Variants in ANKS1B observed in about 807,000 individuals in gnomAD.
ANKS1B encodes the protein ankyrin repeat and sterile alpha motif domain-containing protein 1B.
A neutral mutation model predicts 148.3 loss-of-function variants in ANKS1B; 36 were observed. The observed-to-expected ratio is 0.24, with a 90% CI of 0.19 to 0.32. The LOEUF (loss-of-function observed/expected upper bound fraction) is 0.32, where lower values mean the gene tolerates loss of function less well. Among genes scored for constraint, ANKS1B ranks in the 10% least tolerant of loss-of-function variants. The pLI is 1.00. For synonymous variants in ANKS1B, 542 were observed against 560.8 expected (o/e 0.97, Z 0.47); for missense variants, 1,157 against 1,542.6 (o/e 0.75, Z 4.19).
chr12:99,246,588 C>CT lies in ANKS1B; in HGVS notation c.2032dup (p.Ser678LysfsTer47). On this transcript the variant is annotated frameshift_variant, in exon 13 of 27. Transcript: ENST00000683438. LOFTEE classifies it high-confidence loss of function. ...AATGGTATGGTTTTCGAGTTGGTTGCTTTTTTTGTGAAAAATTGTTCTACT... is the reference window on the plus strand; with the variant it reads ...AATGGTATGGTTTTCGAGTTGGTTGCTTTTTTTTGTGAAAAATTGTTCTACT... 6.2e-7 allele frequency: 1 copy of CT among 1,613,466 alleles called. No individual in the cohort carries two copies. Among genetic ancestry groups the CT allele is most frequent in the Non-Finnish European group, 8.5e-7 (1 of 1,179,668 alleles).
intron 17 of ANKS1B, among the ~76,000 whole-genome samples, chr12:99,029,466 T>A (rs964860682): frequency 6.6e-6 from 1 of 152,214 alleles, no homozygotes; most frequent in Non-Finnish European, 1.5e-5. Flanking sequence ...GTTACCTGTA[T>A]GAAGGGTGAA....
chr12:99,922,699 T>C (rs1465047593), intron 1 of ANKS1B, among the ~76,000 whole-genome samples: 1 of 152,150 alleles, frequency 6.6e-6, no homozygotes, highest in East Asian at 1.9e-4. Flanking sequence ...AGTTCATGTG[T>C]TGGGAACTTA....
At chr12:99,487,575 C>CAAGCATG (rs1394078582) in intron 10 of ANKS1B, among the ~76,000 whole-genome samples, 1 of 150,406 alleles carries the variant, frequency 6.6e-6, no homozygotes, top group African/African-American at 2.4e-5. Flanking sequence ...TTCAGTGCTA[C>CAAGCATG]AAGCATGTAT....
chr12:99,161,126 G>A (rs2076612632), intron 14 of ANKS1B, among the ~76,000 whole-genome samples: 2 of 152,182 alleles, frequency 1.3e-5, no homozygotes, highest in Non-Finnish European at 2.9e-5. Flanking sequence ...TGGGAAGTAT[G>A]GCCATTTTAA....
chr12:99,354,624 A>T (rs1024876298), intron 12 of ANKS1B, among the ~76,000 whole-genome samples: 1 of 152,098 alleles, frequency 6.6e-6, no homozygotes, highest in Non-Finnish European at 1.5e-5. Flanking sequence ...ATTAAGAAAG[A>T]GAATGAATAC....
chr12:99,726,417 T>A (rs962718448), intron 8 of ANKS1B, among the ~76,000 whole-genome samples: 1 of 152,026 alleles, frequency 6.6e-6, no homozygotes, highest in Non-Finnish European at 1.5e-5. Context: ...ACATACATCA[T>A]CCCAAAACTA....
intron 9 of ANKS1B, among the ~76,000 whole-genome samples, chr12:98,737,310 A>G (rs1446460272): frequency 6.6e-6 from 1 of 152,150 alleles, no homozygotes; most frequent in Admixed American, 6.5e-5. Context: ...CTTTGTGTAC[A>G]CTGTTTTCTC....
chr12:99,116,388 A>G (rs781269575), intron 15 of ANKS1B, among the ~76,000 whole-genome samples: 10 of 152,212 alleles, frequency 6.6e-5, no homozygotes, highest in South Asian at 4.1e-4. Flanking sequence ...CTCATTCACC[A>G]TCTGAAAACA....
At chr12:99,959,195 G>A (rs1361661719) in intron 1 of ANKS1B, among the ~76,000 whole-genome samples, 2 of 148,976 alleles carry the variant, frequency 1.3e-5, no homozygotes, top group African/African-American at 4.9e-5. Context: ...TGAGTAGCTT[G>A]GACTACAGGT....
intron 15 of ANKS1B, among the ~76,000 whole-genome samples, chr12:99,101,959 G>GAGGTTCAGGCT (rs2058050356): frequency 6.6e-6 from 1 of 152,182 alleles, no homozygotes; most frequent in South Asian, 2.1e-4. Flanking sequence ...AGTTTGGGGA[G>GAGGTTCAGGCT]AGGTTCAGGC....
At chr12:98,930,331 G>T (rs140728840) in intron 17 of ANKS1B, among the ~76,000 whole-genome samples, 3 of 152,228 alleles carry the variant, frequency 2.0e-5, no homozygotes, top group Non-Finnish European at 2.9e-5. Context: ...TATGTTACTG[G>T]TGGGATTATA....
At chr12:98,943,082 T>C (rs1365426309) in intron 17 of ANKS1B, among the ~76,000 whole-genome samples, 1 of 152,240 alleles carries the variant, frequency 6.6e-6, no homozygotes, top group Non-Finnish European at 1.5e-5. Flanking sequence ...GTTTCCTTTA[T>C]CTTCTTACGA....
At chr12:99,959,136 C>T (rs2095368824) in intron 1 of ANKS1B, among the ~76,000 whole-genome samples, 1 of 149,382 alleles carries the variant, frequency 6.7e-6, no homozygotes, top group South Asian at 2.1e-4. Flanking sequence ...TCTTGGCTCA[C>T]TGCAATCTCT....
At chr12:99,789,668 T>C (rs1223614671) in intron 4 of ANKS1B, among the ~76,000 whole-genome samples, 1 of 151,470 alleles carries the variant, frequency 6.6e-6, no homozygotes, top group Non-Finnish European at 1.5e-5. Context: ...ATTGATGTAA[T>C]GAAGAATGCA....
intron 8 of ANKS1B, among the ~76,000 whole-genome samples, chr12:99,666,695 GTTAAT>G (rs909556692): frequency 6.6e-6 from 1 of 152,094 alleles, no homozygotes; most frequent in African/African-American, 2.4e-5. Context: ...GTATTATTAG[GTTAAT>G]TTAATTTTCT....
intron 9 of ANKS1B, among the ~76,000 whole-genome samples, chr12:99,651,732 C>T (rs190805354): frequency 8.5e-5 from 13 of 152,158 alleles, no homozygotes; most frequent in African/African-American, 2.9e-4. Context: ...CAATACATAT[C>T]CTGTTACCTC....
chr12:99,923,329 T>C (rs2094408699), intron 1 of ANKS1B, among the ~76,000 whole-genome samples: 1 of 152,146 alleles, frequency 6.6e-6, no homozygotes, highest in African/African-American at 2.4e-5. Context: ...GAAGGAGAAA[T>C]GGCATATGCA....
chr12:99,692,866 T>C (rs2053328805), intron 8 of ANKS1B, among the ~76,000 whole-genome samples: 1 of 152,144 alleles, frequency 6.6e-6, no homozygotes, highest in African/African-American at 2.4e-5. Flanking sequence ...ACTCATCACC[T>C]GAATGGTGAT....
intron 10 of ANKS1B, among the ~76,000 whole-genome samples, chr12:99,466,541 G>T (rs867812276): frequency 0.043 from 6,355 of 148,652 alleles, 488 homozygotes; most frequent in African/African-American, 0.16. Context: ...TAGACCGCTA[G>T]CAAGACTAAT....
Sources: gnomAD v4.1 joint callset for allele counts (sites outside exome capture counted in the v4.1 genomes callset) on GRCh38, gnomAD v4.1.1 for gene constraint, MANE v1.5 for transcripts, NCBI Gene and HGNC (gene_info 2026-07-23, HGNC 2026-07-21) for gene names.